Variants in LMBR1 observed in about 807,000 individuals in gnomAD.
LMBR1 encodes limb region 1 protein homolog.
Under a neutral mutation model 73.9 loss-of-function variants are expected in LMBR1, and 52 were observed. The ratio of observed to expected loss-of-function variants is 0.70; its 90% confidence interval spans 0.56 to 0.89. The LOEUF (loss-of-function observed/expected upper bound fraction) is 0.89, where lower values mean the gene tolerates loss of function less well. Among genes scored for constraint, LMBR1 ranks in the 40% least tolerant of loss-of-function variants. The probability of loss-of-function intolerance (pLI) is 0.00; values close to 1 mark genes in which losing one functional copy is unlikely to be tolerated. For synonymous variants in LMBR1, 215 were observed against 209.4 expected (o/e 1.03, Z -0.23); for missense variants, 539 against 579.8 (o/e 0.93, Z 0.72).
At chr7:156,882,433 G>C (rs1045387842) in intron 1 of LMBR1, among the ~76,000 whole-genome samples, 1 of 151,974 alleles carries the variant, frequency 6.6e-6, no homozygotes, top group African/African-American at 2.4e-5. Context: ...CCATCTCAAG[G>C]GGGAAAAAAA....
At chr7:156,849,084 T>C (rs1586211362) in intron 1 of LMBR1, among the ~76,000 whole-genome samples, 1 of 152,068 alleles carries the variant, frequency 6.6e-6, no homozygotes, top group South Asian at 2.1e-4. Context: ...CTATTCACAA[T>C]AGCAAAGACA....
intron 3 of LMBR1, among the ~76,000 whole-genome samples, chr7:156,830,510 CAAAG>C (rs1836493081): frequency 6.6e-6 from 1 of 152,104 alleles, no homozygotes; most frequent in Non-Finnish European, 1.5e-5. Context: ...GTGTTGATGA[CAAAG>C]AAAGTTTCAT....
downstream of LMBR1, among the ~76,000 whole-genome samples, chr7:156,674,238 C>T (rs1803287775): frequency 6.6e-6 from 1 of 152,202 alleles, no homozygotes; most frequent in Non-Finnish European, 1.5e-5. Flanking sequence ...GAACTGTCTC[C>T]CTCTGCCCTT....
intron 4 of LMBR1, among the ~76,000 whole-genome samples, chr7:156,820,616 T>A (rs1020970968): frequency 6.6e-6 from 1 of 152,206 alleles, no homozygotes; most frequent in African/African-American, 2.4e-5. Context: ...TATGGAGATA[T>A]CCTTTCTAAG....
At chr7:156,775,931 C>A (rs543819768) in intron 5 of LMBR1, among the ~76,000 whole-genome samples, 1 of 151,932 alleles carries the variant, frequency 6.6e-6, no homozygotes, top group South Asian at 2.1e-4. Flanking sequence ...TACTGTATAA[C>A]CTTGGGCGAA....
rs921837855 is a variant in LMBR1, at chr7:156,763,955, T to C, written c.424-160A>G. Among the ~76,000 whole-genome samples the C allele has an allele frequency of 3.3e-5, 5 of 152,218 alleles. No homozygotes were observed. Among genetic ancestry groups the C allele is most frequent in the Non-Finnish European group, 4.4e-5 (3 of 68,036 alleles). On this transcript the variant is annotated intron_variant, in intron 5 of 16. Coordinates refer to ENST00000353442, the MANE Select transcript of LMBR1 (RefSeq NM_022458.4). ...CTAGGTACTTATGGTTTACAATGTT[T>C]AGACTGACTTTTCAAATTATGGAAA...
chr7:156,852,091 C>A (rs1190821292), intron 1 of LMBR1, among the ~76,000 whole-genome samples: 1 of 152,108 alleles, frequency 6.6e-6, no homozygotes, highest in Non-Finnish European at 1.5e-5. Flanking sequence ...TAAGAACACA[C>A]CTCTAGGAAC....
intron 5 of LMBR1, among the ~76,000 whole-genome samples, chr7:156,778,069 G>C (rs998610667): frequency 6.6e-6 from 1 of 152,080 alleles, no homozygotes; most frequent in African/African-American, 2.4e-5. Context: ...ATAATAACAA[G>C]AACTGTCTGA....
intron 1 of LMBR1, among the ~76,000 whole-genome samples, chr7:156,884,587 A>C (rs1801595435): frequency 6.6e-6 from 1 of 152,222 alleles, no homozygotes; most frequent in South Asian, 2.1e-4. Flanking sequence ...ATACAGATCA[A>C]AGCCTCACTT....
At chr7:156,846,562 T>C (rs141761141) in intron 1 of LMBR1, among the ~76,000 whole-genome samples, 32 of 152,238 alleles carry the variant, frequency 2.1e-4, no homozygotes, top group African/African-American at 6.0e-4. Flanking sequence ...TGGAGAGAGA[T>C]TGCATGTTCA....
intron 16 of LMBR1, among the ~76,000 whole-genome samples, chr7:156,686,103 T>G (rs977523754): frequency 6.6e-6 from 1 of 152,086 alleles, no homozygotes; most frequent in African/African-American, 2.4e-5. Context: ...AGGGACTGAG[T>G]GAAGACAGAG....
At position 156,826,678 on chromosome 7, in the gene LMBR1, G is replaced by A. The variant is rs1195968392; in HGVS notation, c.246C>T (p.Ile82=). The A allele has an allele frequency of 6.2e-7, 1 of 1,610,212 alleles. No homozygotes were observed. Among genetic ancestry groups the A allele is most frequent in the Non-Finnish European group, 8.5e-7 (1 of 1,177,950 alleles). Residue 82 remains isoleucine (I), a synonymous_variant, in exon 4 of 17, where the codon ATC becomes ATT. Coordinates refer to ENST00000353442, the MANE Select transcript of LMBR1 (RefSeq NM_022458.4). ...AAGAAAGCAGGATTTCATTGCTGATGATTGAGAAGGGTAAAAGCAAAACAG... is the reference window on the plus strand; with the variant it reads ...AAGAAAGCAGGATTTCATTGCTGATAATTGAGAAGGGTAAAAGCAAAACAG... ...AGAVLLLPFS[I]ISNEILLSFP...
At chr7:156,736,107 C>A (rs1050330043) in intron 9 of LMBR1, among the ~76,000 whole-genome samples, 2 of 152,176 alleles carry the variant, frequency 1.3e-5, no homozygotes, top group African/African-American at 2.4e-5. Flanking sequence ...GAATAAAAGT[C>A]TAGGAAGCAG....
chr7:156,828,651 GTGA>G (rs1356274397), intron 3 of LMBR1, among the ~76,000 whole-genome samples: 8 of 152,156 alleles, frequency 5.3e-5, no homozygotes, highest in African/African-American at 1.7e-4. Context: ...TCTTTGCAAG[GTGA>G]TGATAATTAA....
Position 156,680,511 on chromosome 7 carries a change from A to G in LMBR1, c.*3567T>C, listed in dbSNP as rs1804857905. ...GCCAGTAAATTAACCAGATGCTAAC[A>G]GCATTTATTCTTCCAGGAACTCTGG... On this transcript the variant is annotated 3_prime_UTR_variant, in exon 17 of 17. Coordinates refer to ENST00000353442, the MANE Select transcript of LMBR1 (RefSeq NM_022458.4). The G allele has an allele frequency of 6.6e-6, 1 of 152,258 alleles. No individual in the cohort carries two copies. Among genetic ancestry groups the G allele is most frequent in the Admixed American group, 6.5e-5 (1 of 15,272 alleles). 9.4% of individuals were successfully genotyped at this position (152,258 alleles called of 1,614,324 possible). A position where few individuals can be genotyped will look rare whatever the true frequency, so the allele number is the denominator to read the frequency against.
intron 8 of LMBR1, among the ~76,000 whole-genome samples, chr7:156,758,492 A>G (rs1305292142): frequency 6.6e-6 from 1 of 152,176 alleles, no homozygotes; most frequent in Admixed American, 6.5e-5. Flanking sequence ...ACCCTGTAGG[A>G]AGTATTTGGG....
intron 5 of LMBR1, among the ~76,000 whole-genome samples, chr7:156,783,325 A>G (rs1827482291): frequency 6.6e-6 from 1 of 151,532 alleles, no homozygotes; most frequent in African/African-American, 2.4e-5. Context: ...GCATGCACCA[A>G]CCAGGCTCAG....
chr7:156,883,466 A>G (rs1801408184), intron 1 of LMBR1, among the ~76,000 whole-genome samples: 1 of 152,214 alleles, frequency 6.6e-6, no homozygotes, highest in African/African-American at 2.4e-5. Context: ...AGAATGTCCC[A>G]GTTTCCTTTA....
At chr7:156,748,492 T>C (rs1179837998) in intron 9 of LMBR1, among the ~76,000 whole-genome samples, 1 of 151,962 alleles carries the variant, frequency 6.6e-6, no homozygotes, top group Non-Finnish European at 1.5e-5. Flanking sequence ...AAATTTGGAT[T>C]TTTTTTTCTT....
Sources: allele counts gnomAD v4.1 joint callset (sites outside exome capture counted in the v4.1 genomes callset), GRCh38; gene constraint gnomAD v4.1.1; transcripts MANE v1.5; gene names NCBI Gene and HGNC (gene_info 2026-07-23, HGNC 2026-07-21).